The following CWC27 variants were observed in gnomAD, a reference collection of about 807,000 sequenced individuals.
CWC27 encodes CWC27 spliceosome associated cyclophilin.
CWC27 carries 47 observed loss-of-function variants against 63.6 expected under a neutral mutation model. The ratio of observed to expected loss-of-function variants is 0.74; its 90% CI spans 0.58 to 0.94. CWC27 has a LOEUF of 0.94. CWC27 is among the 40% of genes least tolerant of loss of function. CWC27 has a pLI of 0.00. For synonymous variants in CWC27, 175 were observed against 179.8 expected (o/e 0.97, Z 0.22); for missense variants, 495 against 554.3 (o/e 0.89, Z 1.07).
At chr5:64,886,721 AC>A (rs1189817487) in intron 11 of CWC27, among the ~76,000 whole-genome samples, 2 of 152,282 alleles carry the variant, frequency 1.3e-5, no homozygotes, top group East Asian at 3.9e-4. Context: ...CAGATATTAT[AC>A]ATACTTCATG....
chr5:64,854,099 A>T (rs1017078114), intron 10 of CWC27, among the ~76,000 whole-genome samples: 3 of 152,214 alleles, frequency 2.0e-5, no homozygotes, highest in African/African-American at 4.8e-5. Flanking sequence ...TACTTAGCGT[A>T]ATCTTCTCAA....
intron 13 of CWC27, among the ~76,000 whole-genome samples, chr5:65,004,905 T>TATATACAC (rs1554030581): frequency 3.1e-5 from 2 of 63,552 alleles, no homozygotes; most frequent in African/African-American, 1.2e-4. Context: ...TATATATATA[T>TATATACAC]ACATACACAC....
intron 7 of CWC27, among the ~76,000 whole-genome samples, chr5:64,795,553 C>T (rs1031167619): frequency 5.3e-5 from 8 of 152,066 alleles, no homozygotes; most frequent in African/African-American, 1.9e-4. Flanking sequence ...CTAGAGACTG[C>T]CTGTATTCTT....
intron 13 of CWC27, among the ~76,000 whole-genome samples, chr5:64,978,146 A>C (rs1749264417): frequency 6.6e-6 from 1 of 152,214 alleles, no homozygotes. Context: ...GAGCACTCAC[A>C]AATCTAGAGG....
At chr5:64,873,391 T>A (rs889446071) in intron 10 of CWC27, among the ~76,000 whole-genome samples, 2 of 152,046 alleles carry the variant, frequency 1.3e-5, no homozygotes, top group Non-Finnish European at 2.9e-5. Flanking sequence ...ATAGGTCTTC[T>A]CTGTGATAAA....
rs1316802693 is a variant in CWC27 at position 64,848,076 on chromosome 5, T to C, written c.939-37367T>C. 2.0e-5 allele frequency among the ~76,000 whole-genome samples: 3 copies of C among 151,920 alleles called. No homozygotes were observed. In the East Asian group the frequency reaches 5.8e-4, roughly 29 times the overall value. On this transcript the variant is annotated intron_variant, in intron 10 of 13. Transcript: ENST00000381070. ...AAATAATACAAAACATTAACAAAAT[T>C]AAGGGTTGATTTTTGAAAAAATAAA...
intron 11 of CWC27, among the ~76,000 whole-genome samples, chr5:64,960,787 C>CTT (rs34208029): frequency 7.3e-4 from 111 of 151,152 alleles, no homozygotes; most frequent in African/African-American, 1.5e-3. Flanking sequence ...CAGTACACTT[C>CTT]TTTTTTTTTA....
Position 64,893,103 on chromosome 5 carries a change from T to C in CWC27, c.1042+7557T>C, listed in dbSNP as rs550616401. Among the ~76,000 whole-genome samples, 9 of 152,364 alleles carry C rather than the reference T, an allele frequency of 5.9e-5. 1 individual carries two copies. The highest frequency in any genetic ancestry group is 2.2e-4 in the African/African-American group (9 of 41,596). ...TGCATGCGCACACACACGTGTTTTA[T>C]TGTTTTGTTTTGTTTGGATATTTAG... On this transcript the variant is annotated intron_variant, in intron 11 of 13. Coordinates refer to ENST00000381070, the MANE Select transcript of CWC27 (RefSeq NM_005869.4).
rs181558612 is a variant in CWC27 at position 64,922,915 on chromosome 5, C to T, written c.1042+37369C>T. On this transcript the variant is annotated intron_variant, in intron 11 of 13. Transcript: ENST00000381070. ...GGCTCAGCTTCACACTCCTGGGCTG[C>T]GTGCTCTAACCCTGGGTGGCTGGGA... 4.6e-5 allele frequency among the ~76,000 whole-genome samples: 7 copies of T among 152,254 alleles called. No individual in the cohort carries two copies. In the East Asian group the frequency reaches 7.7e-4, roughly 17 times the overall value.
At chr5:64,832,036 T>C (rs367845772) in intron 10 of CWC27, among the ~76,000 whole-genome samples, 73 of 152,044 alleles carry the variant, frequency 4.8e-4, no homozygotes, top group African/African-American at 1.8e-3. Context: ...TAACCAAAAC[T>C]CAACAAGTAG....
chr5:65,004,010 A>C (rs1395017657), intron 13 of CWC27, among the ~76,000 whole-genome samples: 1 of 151,894 alleles, frequency 6.6e-6, no homozygotes, highest in African/African-American at 2.4e-5. Context: ...ACACTCAGCT[A>C]ATTTTTGTAT....
chr5:64,937,568 T>C (rs983500513), intron 11 of CWC27, among the ~76,000 whole-genome samples: 4 of 152,242 alleles, frequency 2.6e-5, no homozygotes, highest in African/African-American at 9.6e-5. Context: ...ATGTATATTC[T>C]GTTGATTTGG....
chr5:65,014,660 C>T (rs1289122505), intron 13 of CWC27, among the ~76,000 whole-genome samples: 1 of 152,030 alleles, frequency 6.6e-6, no homozygotes, highest in Non-Finnish European at 1.5e-5. Context: ...CAAATTGAGT[C>T]CGTATTCTAA....
intron 10 of CWC27, among the ~76,000 whole-genome samples, chr5:64,827,662 T>C (rs983657037): frequency 7.9e-5 from 12 of 152,194 alleles, no homozygotes; most frequent in African/African-American, 2.9e-4. Context: ...TTAGTAGGCA[T>C]TTAATAAATT....
At chr5:65,008,702 A>G (rs1749892595) in intron 13 of CWC27, among the ~76,000 whole-genome samples, 1 of 152,212 alleles carries the variant, frequency 6.6e-6, no homozygotes, top group Admixed American at 6.5e-5. Flanking sequence ...GGATTGTCCT[A>G]CTTTGCAAAA....
chr5:65,006,997 AGAAAGAAAGAAAGAAAG>A (rs1187910153), intron 13 of CWC27, among the ~76,000 whole-genome samples: 1 of 151,472 alleles, frequency 6.6e-6, no homozygotes, highest in African/African-American at 2.4e-5. Context: ...AAAGAAAGAA[AGAAAGAAAGAAAGAAAG>A]AAAGAAAGAA....
At chr5:64,984,714 T>A (rs1317514864) in intron 13 of CWC27, among the ~76,000 whole-genome samples, 1 of 152,326 alleles carries the variant, frequency 6.6e-6, no homozygotes, top group East Asian at 1.9e-4. Flanking sequence ...TTTTGGGATA[T>A]GTTATTTGCA....
intron 11 of CWC27, among the ~76,000 whole-genome samples, chr5:64,935,584 A>T (rs1748329116): frequency 6.6e-6 from 1 of 152,130 alleles, no homozygotes; most frequent in Non-Finnish European, 1.5e-5. Context: ...TTGGCTATAC[A>T]GCCTCTTCTT....
intron 7 of CWC27, 47 bp from the exon 8 acceptor site, chr5:64,800,201 A>G (rs1744439146): frequency 8.1e-7 from 1 of 1,237,880 alleles, no homozygotes; most frequent in South Asian, 1.3e-5. Context: ...TTATTTAGGA[A>G]TACTGTTTAT....
Sources: allele counts gnomAD v4.1 joint callset (sites outside exome capture counted in the v4.1 genomes callset), GRCh38; gene constraint gnomAD v4.1.1; transcripts MANE v1.5; gene names NCBI Gene and HGNC (gene_info 2026-07-23, HGNC 2026-07-21).